The following SPAG17 variants were observed in gnomAD, a reference collection of about 807,000 sequenced individuals.
SPAG17 encodes sperm associated antigen 17, also known as sperm-associated antigen 17.
SPAG17 carries 169 observed loss-of-function variants against 273.6 expected under a neutral mutation model. That is an observed-to-expected ratio of 0.62 (90% CI 0.55 to 0.70). SPAG17 has a LOEUF of 0.70. Among genes scored for constraint, SPAG17 ranks in the 30% least tolerant of loss-of-function variants. The pLI, the probability that SPAG17 is intolerant of heterozygous loss-of-function variation, is 0.00. For missense variants in SPAG17, 2,557 were observed against 2,627.8 expected (o/e 0.97, Z 0.59); for synonymous variants, 825 against 873.2 (o/e 0.94, Z 0.97).
At chr1:118,178,467 A>C (rs1012589011) in intron 1 of SPAG17, among the ~76,000 whole-genome samples, 6 of 152,026 alleles carry the variant, frequency 3.9e-5, no homozygotes, top group Non-Finnish European at 5.9e-5. Flanking sequence ...CCAAACCCTC[A>C]GCTAAAATCA....
chr1:118,109,545 ACT>A (rs1016044431), intron 4 of SPAG17, among the ~76,000 whole-genome samples: 74 of 120,702 alleles, frequency 6.1e-4, no homozygotes, highest in African/African-American at 2.1e-3. Context: ...ACAGAGTGAA[ACT>A]CTGTCTCAAA....
At chr1:118,180,360 T>C (rs925545909) in intron 1 of SPAG17, among the ~76,000 whole-genome samples, 1 of 152,112 alleles carries the variant, frequency 6.6e-6, no homozygotes, top group African/African-American at 2.4e-5. Flanking sequence ...GAATATCGTA[T>C]GTTCTCACTC....
Position 117,959,335 on chromosome 1 carries a change from G to A in SPAG17, c.*4464C>T, listed in dbSNP as rs779739419. 6.2e-7 allele frequency: 1 copy of A among 1,613,766 alleles called. No individual in the cohort carries two copies. Among genetic ancestry groups the A allele is most frequent in the Non-Finnish European group, 8.5e-7 (1 of 1,179,926 alleles). ...ATGGCTGGTCTTGATTATCTCAAGAGGGAATGCGAGGCAAAAAGTGAAGTT... is the reference window on the plus strand; with the variant it reads ...ATGGCTGGTCTTGATTATCTCAAGAAGGAATGCGAGGCAAAAAGTGAAGTT... On this transcript the variant is annotated intron_variant, in intron 48 of 48. Transcript: ENST00000336338.
In SPAG17 at chr1:118,008,092, G is replaced by T; in HGVS notation, c.4539C>A (p.Thr1513=). Residue 1513 remains threonine, a synonymous_variant, in exon 31 of 49, where the codon ACC becomes ACA. Transcript: ENST00000336338. ...CAATAATAGTTGTTCCATCTCCAAA[G>T]GTGGCACAGCAGCTACTGTCCTCAC... ...ANCEDSSCCA[T]FGDGTTIIAK... is the part of the protein sequence containing the mutation. The T allele has an allele frequency of 6.2e-7, 1 of 1,614,030 alleles. No homozygotes were observed. The highest frequency in any genetic ancestry group is 8.5e-7 in the Non-Finnish European group (1 of 1,179,956).
intron 4 of SPAG17, among the ~76,000 whole-genome samples, chr1:118,112,059 G>A (rs1449694113): frequency 6.6e-6 from 1 of 152,010 alleles, no homozygotes; most frequent in Non-Finnish European, 1.5e-5. Context: ...CCTAAGACTA[G>A]ATTTTATTTG....
At chr1:118,041,646 A>G (rs1649761834) in intron 21 of SPAG17, among the ~76,000 whole-genome samples, 157 bp downstream of exon 21, 1 of 152,116 alleles carries the variant, frequency 6.6e-6, no homozygotes, top group Non-Finnish European at 1.5e-5. Flanking sequence ...GGTTCTAGGT[A>G]TCAGGGGTGG....
chr1:118,140,112 C>T (rs1388685216), intron 3 of SPAG17, among the ~76,000 whole-genome samples: 1 of 152,006 alleles, frequency 6.6e-6, no homozygotes, highest in Non-Finnish European at 1.5e-5. Context: ...AGATGGGTGC[C>T]CTTGACCTGA....
At chr1:118,151,823 G>A (rs1307646450) in intron 1 of SPAG17, among the ~76,000 whole-genome samples, 2 of 152,126 alleles carry the variant, frequency 1.3e-5, no homozygotes, top group African/African-American at 4.8e-5. Context: ...GGTCATATTG[G>A]ATGAGCTGCC....
intron 4 of SPAG17, among the ~76,000 whole-genome samples, chr1:118,105,020 T>C (rs1656302660): frequency 6.6e-6 from 1 of 152,138 alleles, no homozygotes; most frequent in Non-Finnish European, 1.5e-5. Context: ...TGAAGTTCTC[T>C]AGAAGTCAAC....
chr1:118,055,887 A>T lies in SPAG17; in HGVS notation c.2568T>A (p.Ser856=). 6.2e-7 allele frequency: 1 copy of T among 1,606,286 alleles called. No homozygotes were observed. The highest frequency in any genetic ancestry group is 1.1e-5 in the South Asian group (1 of 88,466). Reference sequence around the variant, plus strand: ...CTTCTTTTGTAATCCAATCTTGAATAGATTTTGCAACAAGTTCCAAATAAT... The same window carrying T: ...CTTCTTTTGTAATCCAATCTTGAATTGATTTTGCAACAAGTTCCAAATAAT... ...FRNYLELVAK[S]IQDWITKEEA... Residue 856 remains serine (S), a synonymous_variant, in exon 19 of 49, where the codon TCT becomes TCA. Transcript: ENST00000336338.
At chr1:117,988,655 G>C (rs1249027818) in intron 38 of SPAG17, among the ~76,000 whole-genome samples, 1 of 152,100 alleles carries the variant, frequency 6.6e-6, no homozygotes, top group Non-Finnish European at 1.5e-5. Flanking sequence ...CTCTTGGTGG[G>C]ATGTCAATGG....
intron 3 of SPAG17, among the ~76,000 whole-genome samples, chr1:118,139,357 T>C (rs1156771618): frequency 6.6e-6 from 1 of 152,286 alleles, no homozygotes; most frequent in African/African-American, 2.4e-5. Flanking sequence ...TTGTACATTA[T>C]TGGCAAGAAT....
chr1:117,999,574 A>C (rs1422909991), intron 32 of SPAG17, among the ~76,000 whole-genome samples: 3 of 152,194 alleles, frequency 2.0e-5, no homozygotes, highest in Non-Finnish European at 4.4e-5. Context: ...TTCTCTGATG[A>C]CCATGATGAT....
chr1:118,172,263 T>TA (rs1231962909), intron 1 of SPAG17, among the ~76,000 whole-genome samples: 3 of 152,176 alleles, frequency 2.0e-5, no homozygotes, highest in African/African-American at 7.2e-5. Flanking sequence ...AAATTCTTGA[T>TA]AAAAATTAGG....
At position 118,102,531 on chromosome 1, in the gene SPAG17, A is replaced by G. The variant is rs1656135212; in HGVS notation, c.448-605T>C. 2.0e-5 allele frequency among the ~76,000 whole-genome samples: 3 copies of G among 152,340 alleles called. 1 individual carries two copies. The South Asian group carries it at 6.2e-4, about 32-fold the overall frequency. On this transcript the variant is annotated intron_variant, in intron 4 of 48. Transcript: ENST00000336338. ...ATCCTACTGAAGAATGTGCAGACAT[A>G]ACCAATGGTTGCTATTTGATGCCTT...
chr1:117,980,714 T>C (rs1465051380), intron 43 of SPAG17, among the ~76,000 whole-genome samples: 2 of 152,260 alleles, frequency 1.3e-5, no homozygotes, highest in Non-Finnish European at 2.9e-5. Flanking sequence ...TGATCAACTA[T>C]ATTTAGTTGA....
rs185756229 is a variant in SPAG17 at position 118,166,861 on chromosome 1, G to A, written c.88-15492C>T. On this transcript the variant is annotated intron_variant, in intron 1 of 48. Coordinates refer to ENST00000336338, the MANE Select transcript of SPAG17 (RefSeq NM_206996.4). ...TGATTAAAATTTCACTGTACTATACGTTTTCCAAAAAGTTTGCTTTCTTAT... is the reference window on the plus strand; with the variant it reads ...TGATTAAAATTTCACTGTACTATACATTTTCCAAAAAGTTTGCTTTCTTAT... Among the ~76,000 whole-genome samples the A allele has an allele frequency of 7.2e-4, 109 of 151,942 alleles. No homozygotes were observed. In the Middle Eastern group the frequency reaches 0.014, roughly 19 times the overall value.
chr1:118,150,594 T>C lies in SPAG17; in HGVS notation c.264A>G (p.Ser88=), dbSNP rs1935992. 0.22 allele frequency: 337,734 copies of C among 1,564,724 alleles called. 41,348 individuals are homozygous for C. Among genetic ancestry groups the C allele is most frequent in the East Asian group, 0.44 (19,180 of 43,790 alleles). ...CTACAGGTTTTTTTGCCTTTTTAGA[T>C]GAAGCAGATCCAACAAGTGTATTTA... ...NEINTLVGSA[S]SKKAKKPVGG... is the part of the protein sequence containing the mutation. Residue 88 remains serine (S), a synonymous_variant, in exon 3 of 49, where the codon TCA becomes TCG. Coordinates refer to ENST00000336338, the MANE Select transcript of SPAG17 (RefSeq NM_206996.4).
chr1:117,974,955 C>G (rs1050872444), intron 43 of SPAG17, among the ~76,000 whole-genome samples: 6 of 152,144 alleles, frequency 3.9e-5, no homozygotes, highest in Non-Finnish European at 8.8e-5. Context: ...TCTATGCAAA[C>G]TCCTGCCACA....
Sources: gnomAD v4.1 joint callset for allele counts (sites outside exome capture counted in the v4.1 genomes callset) on GRCh38, gnomAD v4.1.1 for gene constraint, MANE v1.5 for transcripts, NCBI Gene and HGNC (gene_info 2026-07-23, HGNC 2026-07-21) for gene names.